The following LRIG2 variants were observed in gnomAD, a reference collection of about 807,000 sequenced individuals.
LRIG2 encodes leucine-rich repeats and immunoglobulin-like domains protein 2.
LRIG2 carries 93 observed loss-of-function variants against 107.8 expected under a neutral mutation model. That is an observed-to-expected ratio of 0.86 (90% CI 0.73 to 1.03). The LOEUF (loss-of-function observed/expected upper bound fraction) is 1.03. LRIG2 is among the 50% of genes least tolerant of loss of function. The pLI, the probability that LRIG2 is intolerant of heterozygous loss-of-function variation, is 0.00. For missense variants in LRIG2, 1,226 were observed against 1,296.0 expected (o/e 0.95, Z 0.83); for synonymous variants, 471 against 470.6 (o/e 1.00, Z -0.01).
At chr1:113,089,676 CTTTT>C (rs35515644) in intron 1 of LRIG2, among the ~76,000 whole-genome samples, 7 of 71,672 alleles carry the variant, frequency 9.8e-5, no homozygotes, top group African/African-American at 2.0e-4. Context: ...AGGTGGATTG[CTTTT>C]TTTTTTTTTT....
chr1:113,112,814 T>C (rs1570765278), intron 14 of LRIG2, 54 bp downstream of exon 14: 1 of 1,507,810 alleles, frequency 6.6e-7, no homozygotes, highest in East Asian at 2.3e-5. Flanking sequence ...TGGGAGCTAC[T>C]CTTGGTCTTA....
rs1262843637 is a variant in LRIG2 at position 113,079,676 on chromosome 1, AAAAAAAAG to A, written c.239+6044_239+6051del. On this transcript the variant is annotated intron_variant, in intron 1 of 17. Coordinates refer to ENST00000361127, the MANE Select transcript of LRIG2 (RefSeq NM_014813.3). ...AACAGAGCAAGACTCCATCTCAAAA[AAAAAAAAG>A]AAAAAAAGAAAAGAAAAAAGAAAGG... is the stretch of plus-strand genomic sequence containing the variant. Among the ~76,000 whole-genome samples the A allele has an allele frequency of 2.3e-3, 340 of 150,226 alleles. 3 individuals carry two copies. Among genetic ancestry groups the A allele is most frequent in the African/African-American group, 7.7e-3 (320 of 41,298 alleles).
intron 11 of LRIG2, among the ~76,000 whole-genome samples, chr1:113,105,511 G>C (rs1349723861): frequency 2.0e-5 from 3 of 152,178 alleles, no homozygotes; most frequent in Non-Finnish European, 4.4e-5. Context: ...GCAAAGCCTT[G>C]TGGGGAATAC....
At chr1:113,102,953 CTTAGT>C (rs1303027282) in intron 11 of LRIG2, among the ~76,000 whole-genome samples, 1 of 151,670 alleles carries the variant, frequency 6.6e-6, no homozygotes, top group Non-Finnish European at 1.5e-5. Flanking sequence ...TTCTCATAGG[CTTAGT>C]TTAATTATAA....
chr1:113,103,481 G>A (rs911658905), intron 11 of LRIG2: 1 of 152,176 alleles, frequency 6.6e-6, no homozygotes, highest in Non-Finnish European at 1.5e-5. Flanking sequence ...TCACTGAGTC[G>A]AACCCAGTCT....
intron 6 of LRIG2, among the ~76,000 whole-genome samples, chr1:113,095,555 C>T (rs1479009171): frequency 8.1e-5 from 12 of 147,840 alleles, no homozygotes; most frequent in Non-Finnish European, 1.5e-4. Flanking sequence ...ACTACAGGCG[C>T]GCGCCACCGT....
Position 113,094,781 on chromosome 1 carries a change from T to C in LRIG2, c.803+26T>C, listed in dbSNP as rs200773917. 434 of 1,602,630 alleles carry C rather than the reference T, an allele frequency of 2.7e-4. No individual in the cohort carries two copies. In the African/African-American group the frequency reaches 5.2e-3, roughly 19 times the overall value. On this transcript the variant is annotated intron_variant, in intron 6 of 17. Coordinates refer to ENST00000361127, the MANE Select transcript of LRIG2 (RefSeq NM_014813.3). ...GTAAGTACTCGGGACTAGAGGTGAT[T>C]ATTAGGAAAGTAGTCTGTTTGGGAC...
intron 11 of LRIG2, 133 bp downstream of exon 11, chr1:113,100,621 C>T (rs1264731644): frequency 1.8e-6 from 1 of 555,034 alleles, no homozygotes; most frequent in Non-Finnish European, 3.3e-6. Flanking sequence ...AGTATTAATA[C>T]TCAGTTATTT....
chr1:113,078,904 T>G (rs1653120584), intron 1 of LRIG2, among the ~76,000 whole-genome samples: 1 of 152,130 alleles, frequency 6.6e-6, no homozygotes, highest in Admixed American at 6.6e-5. Flanking sequence ...CCTCCCAAAG[T>G]GTTGGGATTA....
chr1:113,094,126 A>G (rs1004673320), intron 4 of LRIG2, among the ~76,000 whole-genome samples: 1 of 152,238 alleles, frequency 6.6e-6, no homozygotes, highest in Non-Finnish European at 1.5e-5. Flanking sequence ...TACAAAGCAT[A>G]TTCACACATG....
intron 1 of LRIG2, among the ~76,000 whole-genome samples, chr1:113,088,159 G>A (rs1002634443): frequency 6.6e-6 from 1 of 152,086 alleles, no homozygotes; most frequent in Non-Finnish European, 1.5e-5. Flanking sequence ...ATAAATGTGG[G>A]TTTGTTTTAG....
intron 1 of LRIG2, 36 bp downstream of exon 1, chr1:113,073,681 G>C: frequency 1.3e-6 from 2 of 1,580,174 alleles, no homozygotes; most frequent in Non-Finnish European, 1.7e-6. Context: ...ACCAAAAGGA[G>C]GGGGAGCCTT....
intron 17 of LRIG2, among the ~76,000 whole-genome samples, chr1:113,123,350 G>T (rs548193861): frequency 6.6e-6 from 1 of 152,150 alleles, no homozygotes; most frequent in Non-Finnish European, 1.5e-5. Flanking sequence ...TGAAGCAGGC[G>T]GATCACCTGA....
At chr1:113,080,890 C>G (rs548892668) in intron 1 of LRIG2, among the ~76,000 whole-genome samples, 1 of 130,406 alleles carries the variant, frequency 7.7e-6, no homozygotes, top group Admixed American at 9.0e-5. Flanking sequence ...GTTGCCCAGG[C>G]TGGAGTGCAA....
Position 113,128,337 on chromosome 1 carries a change from G to A in LRIG2, c.*4236G>A, listed in dbSNP as rs1265941200. On this transcript the variant is annotated 3_prime_UTR_variant, in exon 18 of 18. Transcript: ENST00000361127. ...TCTTCCTTTCTTACTAGATTATGGT[G>A]TAGTTTGTACTAGACTGACTCATTA... 2 of 152,024 alleles carry A rather than the reference G, an allele frequency of 1.3e-5. No individual in the cohort carries two copies. Among genetic ancestry groups the A allele is most frequent in the African/African-American group, 4.8e-5 (2 of 41,382 alleles). The allele number at this position is 152,024 out of a possible 1,614,324, so 9.4% of individuals were successfully genotyped here.
At chr1:113,079,671 CAAA>C (rs568909236) in intron 1 of LRIG2, among the ~76,000 whole-genome samples, 1 of 73,476 alleles carries the variant, frequency 1.4e-5, no homozygotes, top group Non-Finnish European at 2.8e-5. Context: ...GACTCCATCT[CAAA>C]AAAAAAAAAG....
chr1:113,121,826 G>C (rs1191304751), intron 17 of LRIG2, among the ~76,000 whole-genome samples: 1 of 151,952 alleles, frequency 6.6e-6, no homozygotes, highest in African/African-American at 2.4e-5. Flanking sequence ...CCCGGGGATG[G>C]TTCTGGCAGG....
At chr1:113,076,623 G>C (rs1652994136) in intron 1 of LRIG2, among the ~76,000 whole-genome samples, 1 of 152,156 alleles carries the variant, frequency 6.6e-6, no homozygotes, top group Non-Finnish European at 1.5e-5. Flanking sequence ...GTTGCCTTTA[G>C]CTATAAAACC....
intron 14 of LRIG2, among the ~76,000 whole-genome samples, chr1:113,113,456 GTTA>G (rs1449916791): frequency 4.1e-5 from 6 of 148,086 alleles, no homozygotes; most frequent in South Asian, 2.1e-4. Context: ...CTATATGTCA[GTTA>G]TTATTATTAT....
Sources: gnomAD v4.1 joint callset for allele counts (sites outside exome capture counted in the v4.1 genomes callset) on GRCh38, gnomAD v4.1.1 for gene constraint, MANE v1.5 for transcripts, NCBI Gene and HGNC (gene_info 2026-07-23, HGNC 2026-07-21) for gene names.